CCDC7: variants seen among roughly 807,000 people sequenced by gnomAD.
CCDC7 encodes the protein coiled-coil domain-containing protein 7.
A neutral mutation model predicts 196.9 loss-of-function variants in CCDC7; 183 were observed. The observed-to-expected ratio is 0.93, with a 90% CI of 0.82 to 1.05. The LOEUF is 1.05. Ranked by LOEUF, CCDC7 falls within the 50% of genes least tolerant of loss-of-function variation. The pLI, the probability that CCDC7 is intolerant of heterozygous loss-of-function variation, is 0.00. For synonymous variants in CCDC7, 525 were observed against 484.6 expected, an observed-to-expected ratio of 1.08 and a Z score of -1.10; for missense variants, 1,540 against 1,482.2, an observed-to-expected ratio of 1.04 and a Z score of -0.64.
chr10:32,817,246 G>T (rs544888892), intron 31 of CCDC7, among the ~76,000 whole-genome samples: 2 of 152,218 alleles, frequency 1.3e-5, no homozygotes, highest in East Asian at 1.9e-4. Flanking sequence ...AGTGATGGAA[G>T]ATCAAATGAA....
At chr10:32,630,209 T>C (rs550768759) in intron 18 of CCDC7, among the ~76,000 whole-genome samples, 4 of 152,242 alleles carry the variant, frequency 2.6e-5, no homozygotes, top group African/African-American at 9.6e-5. Context: ...CTGATCCCCC[T>C]GTCCCTGCTG....
intron 9 of CCDC7, chr10:32,512,357 AAT>A (rs1235416613): frequency 7.2e-5 from 11 of 152,304 alleles, no homozygotes; most frequent in African/African-American, 2.2e-4. Context: ...AAGTGAAGGT[AAT>A]AGGCTGTTTT....
intron 29 of CCDC7, among the ~76,000 whole-genome samples, chr10:32,798,142 G>T (rs1390596628): frequency 1.3e-5 from 2 of 152,206 alleles, no homozygotes; most frequent in African/African-American, 4.8e-5. Context: ...CGCATAACTG[G>T]AGTACGTGTC....
At chr10:32,724,536 A>C (rs1380905754) in intron 25 of CCDC7, among the ~76,000 whole-genome samples, 1 of 152,122 alleles carries the variant, frequency 6.6e-6, no homozygotes, top group Non-Finnish European at 1.5e-5. Flanking sequence ...GCACCAGATG[A>C]GTGGCAGATG....
chr10:32,794,820 A>G (rs1196405780), intron 29 of CCDC7, among the ~76,000 whole-genome samples: 3 of 152,196 alleles, frequency 2.0e-5, no homozygotes, highest in Non-Finnish European at 4.4e-5. Context: ...TATGGATATT[A>G]GACTTTTGTC....
At chr10:32,622,218 C>CT (rs1328972146) in intron 18 of CCDC7, among the ~76,000 whole-genome samples, 1 of 152,224 alleles carries the variant, frequency 6.6e-6, no homozygotes, top group East Asian at 1.9e-4. Flanking sequence ...AGGCAGTGTC[C>CT]TTTTTCTAAC....
intron 20 of CCDC7, among the ~76,000 whole-genome samples, chr10:32,643,550 T>C (rs1304684266): frequency 6.6e-6 from 1 of 152,062 alleles, no homozygotes; most frequent in African/African-American, 2.4e-5. Flanking sequence ...TTGAGCTGCT[T>C]TTTGTTTCTT....
At chr10:32,852,852 G>A (rs1308610695) in intron 40 of CCDC7, among the ~76,000 whole-genome samples, 1 of 152,132 alleles carries the variant, frequency 6.6e-6, no homozygotes, top group Non-Finnish European at 1.5e-5. Flanking sequence ...TGAAATCCAT[G>A]TTCTTTCCCA....
chr10:32,735,886 T>A (rs1472308885), intron 28 of CCDC7, among the ~76,000 whole-genome samples: 2 of 152,202 alleles, frequency 1.3e-5, no homozygotes, highest in African/African-American at 4.8e-5. Context: ...TTTGTTTACA[T>A]GTGGATGACT....
intron 20 of CCDC7, among the ~76,000 whole-genome samples, chr10:32,644,667 A>G (rs2067440774): frequency 1.3e-5 from 2 of 152,114 alleles, no homozygotes; most frequent in Admixed American, 6.5e-5. Context: ...TTTCCCCCAT[A>G]CTGCTGCTAG....
chr10:32,449,794 G>T (rs1370146243), upstream of CCDC7, among the ~76,000 whole-genome samples: 1 of 152,178 alleles, frequency 6.6e-6, no homozygotes, highest in East Asian at 1.9e-4. Flanking sequence ...ATTAGGTTAT[G>T]AGTGCAGCAC....
intron 29 of CCDC7, among the ~76,000 whole-genome samples, chr10:32,786,851 A>G (rs1044296595): frequency 6.6e-6 from 1 of 152,210 alleles, no homozygotes; most frequent in African/African-American, 2.4e-5. Flanking sequence ...AGGAAATCAG[A>G]AAAACTTTGT....
At chr10:32,601,369 C>T (rs1223422540) in intron 18 of CCDC7, among the ~76,000 whole-genome samples, 5 of 152,334 alleles carry the variant, frequency 3.3e-5, no homozygotes, top group African/African-American at 1.2e-4. Flanking sequence ...CCACACCCGG[C>T]CCTAAGTTAT....
At chr10:32,796,668 C>A (rs1392970979) in intron 29 of CCDC7, among the ~76,000 whole-genome samples, 1 of 152,166 alleles carries the variant, frequency 6.6e-6, no homozygotes, top group South Asian at 2.1e-4. Context: ...ATATTTCACT[C>A]CATCAGAGGA....
At chr10:32,727,329 G>C (rs111635383) in intron 26 of CCDC7, among the ~76,000 whole-genome samples, 5 of 152,228 alleles carry the variant, frequency 3.3e-5, no homozygotes, top group African/African-American at 1.2e-4. Flanking sequence ...CCACACAAAA[G>C]TAAGGTCTTC....
intron 24 of CCDC7, among the ~76,000 whole-genome samples, chr10:32,697,921 G>A (rs996610657): frequency 3.9e-5 from 6 of 152,206 alleles, no homozygotes; most frequent in African/African-American, 1.2e-4. Flanking sequence ...ACATCTCCCA[G>A]TAGGGGCTGA....
intron 29 of CCDC7, among the ~76,000 whole-genome samples, chr10:32,799,560 C>T (rs1188408421): frequency 2.0e-5 from 3 of 152,168 alleles, no homozygotes; most frequent in Non-Finnish European, 2.9e-5. Flanking sequence ...GTTGTGACTC[C>T]TTCTTGGTTG....
intron 11 of CCDC7, among the ~76,000 whole-genome samples, chr10:32,520,805 A>G (rs2047765812): frequency 6.6e-6 from 1 of 152,170 alleles, no homozygotes; most frequent in South Asian, 2.1e-4. Flanking sequence ...ACAGACCAAT[A>G]TGCTAGAGAG....
At chr10:32,815,760 A>G (rs1407638283) in intron 31 of CCDC7, among the ~76,000 whole-genome samples, 1 of 152,238 alleles carries the variant, frequency 6.6e-6, no homozygotes, top group Non-Finnish European at 1.5e-5. Flanking sequence ...AAAACAATTC[A>G]TCCCGTAGAA....
Sources: allele counts gnomAD v4.1 joint callset (sites outside exome capture counted in the v4.1 genomes callset), GRCh38; gene constraint gnomAD v4.1.1; transcripts MANE v1.5; gene names NCBI Gene and HGNC (gene_info 2026-07-23, HGNC 2026-07-21).